Variants in PCDH15 observed in about 807,000 individuals in gnomAD.
The protein encoded by PCDH15 is protocadherin-15.
Under a neutral mutation model 178.5 loss-of-function variants are expected in PCDH15, and 129 were observed. That is an observed-to-expected ratio of 0.72 (90% CI 0.63 to 0.84). The LOEUF (loss-of-function observed/expected upper bound fraction) is 0.84, where lower values mean the gene tolerates loss of function less well. Ranked by LOEUF, PCDH15 falls within the 40% of genes least tolerant of loss-of-function variation. The pLI is 0.00. For missense variants in PCDH15, 2,230 were observed against 2,099.9 expected (o/e 1.06, Z -1.21); for synonymous variants, 800 against 732.0 (o/e 1.09, Z -1.50).
At chr10:55,127,327 C>A (rs1289670989) in intron 2 of PCDH15, among the ~76,000 whole-genome samples, 1 of 152,020 alleles carries the variant, frequency 6.6e-6, no homozygotes, top group Non-Finnish European at 1.5e-5. Context: ...GCCTCCAAGC[C>A]AAATATGTTT....
intron 3 of PCDH15, among the ~76,000 whole-genome samples, chr10:54,499,768 G>GA: frequency 6.6e-6 from 1 of 151,966 alleles, no homozygotes; most frequent in Admixed American, 6.6e-5. Flanking sequence ...GAGGAAGTAG[G>GA]AAAAAAAGAT....
chr10:54,150,516 G>A (rs73245410), intron 14 of PCDH15, among the ~76,000 whole-genome samples: 2,351 of 151,858 alleles, frequency 0.015, 76 homozygotes, highest in African/African-American at 0.054. Flanking sequence ...ATACATTTAA[G>A]CAAAGTTGTC....
At chr10:54,427,487 A>T (rs1375091998) in intron 3 of PCDH15, among the ~76,000 whole-genome samples, 1 of 151,576 alleles carries the variant, frequency 6.6e-6, no homozygotes, top group East Asian at 1.9e-4. Context: ...CTTGTTGGTC[A>T]CGCTTGTATT....
intron 2 of PCDH15, among the ~76,000 whole-genome samples, chr10:54,641,679 C>T (rs953549817): frequency 8.6e-5 from 13 of 152,030 alleles, no homozygotes; most frequent in African/African-American, 2.4e-4. Flanking sequence ...TCTCTAGCTC[C>T]ACTTCCACCT....
At chr10:55,032,439 C>T (rs149280684) in intron 2 of PCDH15, among the ~76,000 whole-genome samples, 4 of 152,278 alleles carry the variant, frequency 2.6e-5, no homozygotes, top group Non-Finnish European at 4.4e-5. Context: ...CAGAATTTAA[C>T]CCACTTACAC....
At chr10:54,809,478 C>T (rs1261345580) in intron 3 of PCDH15, among the ~76,000 whole-genome samples, 1 of 151,982 alleles carries the variant, frequency 6.6e-6, no homozygotes, top group Non-Finnish European at 1.5e-5. Flanking sequence ...TAAGAAATTA[C>T]AAGTTTGGCA....
intron 2 of PCDH15, among the ~76,000 whole-genome samples, chr10:54,560,099 T>C (rs182999959): frequency 2.6e-5 from 4 of 152,168 alleles, no homozygotes; most frequent in East Asian, 3.9e-4. Flanking sequence ...TTTGAGAATT[T>C]AGGCTGATTC....
intron 3 of PCDH15, among the ~76,000 whole-genome samples, chr10:54,391,064 C>T (rs1216421179): frequency 6.6e-6 from 1 of 152,144 alleles, no homozygotes; most frequent in African/African-American, 2.4e-5. Context: ...GCTCTTATTG[C>T]ATTTTATACC....
chr10:53,827,076 A>C (rs2076728662), intron 32 of PCDH15, among the ~76,000 whole-genome samples: 1 of 151,636 alleles, frequency 6.6e-6, no homozygotes, highest in Non-Finnish European at 1.5e-5. Context: ...ATACATATAC[A>C]TTATATATAT....
At chr10:54,066,667 A>AATCTG in intron 18 of PCDH15, 90 bp downstream of exon 18, 13 of 1,324,646 alleles carry the variant, frequency 9.8e-6, no homozygotes, top group Non-Finnish European at 1.4e-5. Flanking sequence ...AACAGATTAC[A>AATCTG]TTAGCTGAGT....
chr10:53,809,315 T>TATC (rs769768029), intron 37 of PCDH15: 1 of 1,613,962 alleles, frequency 6.2e-7, no homozygotes, highest in Non-Finnish European at 8.5e-7. Flanking sequence ...AAATAATCTT[T>TATC]ATCTTCTTCC....
chr10:53,983,408 A>G (rs926208835), intron 21 of PCDH15, among the ~76,000 whole-genome samples: 4 of 151,284 alleles, frequency 2.6e-5, no homozygotes, highest in Admixed American at 2.6e-4. Context: ...AACCACTGAG[A>G]AAGTCCTGTG....
At chr10:54,346,565 C>G (rs919592983) in intron 5 of PCDH15, 81 bp from the exon 6 acceptor site, 2 of 1,525,926 alleles carry the variant, frequency 1.3e-6, no homozygotes, top group Non-Finnish European at 9.0e-7. Flanking sequence ...AAAATCAGCT[C>G]TTTATTACCT....
chr10:54,762,402 C>T lies in PCDH15; in HGVS notation c.-29+38523G>A, dbSNP rs979632599. On this transcript the variant is annotated intron_variant, in intron 1 of 37. Coordinates refer to ENST00000644397, the MANE Select transcript of PCDH15 (RefSeq NM_001384140.1). ...GAAGAAAAAGTAGATTGCAATATCT[C>T]AAATAATAACTAGTGACAATGAAGA... Among the ~76,000 whole-genome samples, 6 of 152,170 alleles carry T rather than the reference C, an allele frequency of 3.9e-5. 1 individual carries two copies. Among genetic ancestry groups the T allele is most frequent in the African/African-American group, 7.2e-5 (3 of 41,514 alleles).
At chr10:53,977,230 G>A (rs745901207) in intron 21 of PCDH15, among the ~76,000 whole-genome samples, 2 of 152,126 alleles carry the variant, frequency 1.3e-5, no homozygotes, top group African/African-American at 2.4e-5. Flanking sequence ...GACCAAGGAT[G>A]TCCGATCTTT....
intron 1 of PCDH15, among the ~76,000 whole-genome samples, chr10:55,285,610 C>T (rs1842849157): frequency 6.6e-6 from 1 of 151,546 alleles, no homozygotes; most frequent in Non-Finnish European, 1.5e-5. Context: ...TTCTACTTAA[C>T]ATATTTTTTT....
intron 18 of PCDH15, among the ~76,000 whole-genome samples, chr10:54,057,699 C>A (rs7093467): frequency 0.6 from 91,266 of 151,986 alleles, 27,559 homozygotes; most frequent in Middle Eastern, 0.75. Flanking sequence ...TTGGCTCCTC[C>A]TTACTTATGC....
intron 2 of PCDH15, among the ~76,000 whole-genome samples, chr10:54,954,442 T>A (rs1838428336): frequency 6.6e-6 from 1 of 151,268 alleles, no homozygotes; most frequent in Non-Finnish European, 1.5e-5. Context: ...TTTCTCGTAT[T>A]CCCTTCTTAC....
At chr10:55,421,553 A>T (rs1039109686) in intron 2 of PCDH15, among the ~76,000 whole-genome samples, 4 of 150,642 alleles carry the variant, frequency 2.7e-5, no homozygotes, top group Admixed American at 6.7e-5. Context: ...CATATCTGGA[A>T]TTCAAATATT....
Sources: allele counts gnomAD v4.1 joint callset (sites outside exome capture counted in the v4.1 genomes callset), GRCh38; gene constraint gnomAD v4.1.1; transcripts MANE v1.5; gene names NCBI Gene and HGNC (gene_info 2026-07-23, HGNC 2026-07-21).